The following ACOT1 variants were observed in gnomAD, a reference collection of about 807,000 sequenced individuals.
ACOT1 encodes the protein acyl-coenzyme A thioesterase 1.
ACOT1 carries 8 observed loss-of-function variants against 15.7 expected under a neutral mutation model. The ratio of observed to expected loss-of-function variants is 0.51; its 90% confidence interval spans 0.30 to 0.92. The LOEUF (loss-of-function observed/expected upper bound fraction) is 0.92. ACOT1 is among the 40% of genes least tolerant of loss of function. ACOT1 has a pLI of 0.06. For missense variants in ACOT1, 151 were observed against 539.4 expected, an observed-to-expected ratio of 0.28 and a Z score of 7.13; for synonymous variants, 67 against 241.2, an observed-to-expected ratio of 0.28 and a Z score of 6.69.
the ACOT1 span, among the ~76,000 whole-genome samples, chr14:73,524,306 A>AT: frequency 3.3e-3 from 304 of 90,850 alleles, no homozygotes; most frequent in Middle Eastern, 0.019. Flanking sequence ...AAAAAAAAAA[A>AT]AAAAATATAT....
At chr14:73,515,667 A>G in the ACOT1 span, among the ~76,000 whole-genome samples, 2 of 98,520 alleles carry the variant, frequency 2.0e-5, no homozygotes, top group Admixed American at 1.2e-4. Context: ...GCGAGACTCC[A>G]TCTCAAAAAA....
the ACOT1 span, chr14:73,495,474 G>A: frequency 8.9e-7 from 1 of 1,126,166 alleles, no homozygotes; most frequent in Non-Finnish European, 1.3e-6. Context: ...TAAAGTGATT[G>A]TAGGAGGCTG....
At chr14:73,535,465 CTTTCTTTTTTT>C (rs1888827862), upstream of ACOT1, among the ~76,000 whole-genome samples, 1 of 15,806 alleles carries the variant, frequency 6.3e-5, no homozygotes, top group Non-Finnish European at 2.5e-4. Flanking sequence ...TCTTTTTCTT[CTTTCTTTTTTT>C]TTTTTTTTTT....
chr14:73,496,526 T>C, the ACOT1 span: 1 of 878,570 alleles, frequency 1.1e-6, no homozygotes, highest in Middle Eastern at 2.2e-4. Context: ...ATGTACATGT[T>C]TGAGGAGGAC....
the ACOT1 span, among the ~76,000 whole-genome samples, chr14:73,498,870 T>C: frequency 0.14 from 21,346 of 152,216 alleles, 1,706 homozygotes; most frequent in East Asian, 0.3. Context: ...TAACTTAAGT[T>C]TGACATATAC....
At chr14:73,509,242 G>T in the ACOT1 span, 1 of 1,440,546 alleles carries the variant, frequency 6.9e-7, no homozygotes, top group South Asian at 1.2e-5. Context: ...GGAGAGGAAA[G>T]GACTGGGAAA....
At chr14:73,533,636 G>A (rs1239715220), upstream of ACOT1, among the ~76,000 whole-genome samples, 2 of 114,520 alleles carry the variant, frequency 1.7e-5, no homozygotes, top group African/African-American at 2.8e-5. Context: ...CTGAGACCGC[G>A]CCACTGCACT....
At chr14:73,513,249 A>T in the ACOT1 span, among the ~76,000 whole-genome samples, 1 of 152,218 alleles carries the variant, frequency 6.6e-6, no homozygotes, top group East Asian at 1.9e-4. Flanking sequence ...ACCTGAAGTC[A>T]GGAGTTCGAG....
At chr14:73,495,224 C>G in the ACOT1 span, 13 of 1,612,328 alleles carry the variant, frequency 8.1e-6, no homozygotes, top group East Asian at 2.9e-4. Flanking sequence ...CCTAGGAAAC[C>G]TACCCTGAAA....
upstream of ACOT1, among the ~76,000 whole-genome samples, chr14:73,533,883 A>T (rs1447876024): frequency 5.8e-4 from 3 of 5,174 alleles, 1 homozygote; most frequent in Non-Finnish European, 5.8e-3. Context: ...CCTGTCTCTA[A>T]AAAAAAAAAA....
the ACOT1 span, among the ~76,000 whole-genome samples, chr14:73,493,609 G>A: frequency 2.6e-5 from 4 of 152,022 alleles, no homozygotes; most frequent in Admixed American, 2.0e-4. Flanking sequence ...AGGCCGAGGC[G>A]GGTGGATCAC....
the ACOT1 span, among the ~76,000 whole-genome samples, chr14:73,509,021 C>T: frequency 4.6e-5 from 7 of 151,932 alleles, no homozygotes; most frequent in Non-Finnish European, 1.0e-4. Flanking sequence ...AGCACACCAC[C>T]GCACCTGGCT....
the ACOT1 span, chr14:73,491,918 C>T: frequency 6.2e-7 from 1 of 1,613,330 alleles, no homozygotes; most frequent in Non-Finnish European, 8.5e-7. Context: ...TCTCCTCTGT[C>T]CGCAGGCTTT....
the ACOT1 span, among the ~76,000 whole-genome samples, chr14:73,529,487 G>A: frequency 6.6e-6 from 1 of 152,068 alleles, no homozygotes; most frequent in East Asian, 1.9e-4. Context: ...GGGTTGGAAG[G>A]GTTAGGCTAC....
At chr14:73,511,930 G>A in the ACOT1 span, 2 of 1,576,774 alleles carry the variant, frequency 1.3e-6, no homozygotes, top group South Asian at 2.2e-5. Flanking sequence ...GATAAGCCCT[G>A]GGTCCCTACC....
the ACOT1 span, among the ~76,000 whole-genome samples, chr14:73,526,049 A>G: frequency 4.6e-5 from 7 of 151,884 alleles, no homozygotes; most frequent in Non-Finnish European, 1.0e-4. Flanking sequence ...GGCACTGAAG[A>G]GGGTGGGAAA....
the ACOT1 span, chr14:73,509,162 TG>T: frequency 1.3e-6 from 1 of 759,144 alleles, no homozygotes; most frequent in Non-Finnish European, 2.1e-6. Flanking sequence ...CGACAGTGTC[TG>T]GTCCTAATTT....
the ACOT1 span, among the ~76,000 whole-genome samples, chr14:73,506,187 C>A: frequency 6.6e-6 from 1 of 152,176 alleles, no homozygotes; most frequent in Non-Finnish European, 1.5e-5. Flanking sequence ...CCGCACCCGG[C>A]CTACTATAAA....
At position 73,537,351 on chromosome 14, in the gene ACOT1, A is replaced by C; in HGVS notation, c.-71A>C. Reference sequence around the variant, plus strand: ...AGCCTGCGACGGCAGCCCGAGAGGAAGAGTTGGGCAGAGTTGCAGGGGTCT... The same window carrying C: ...AGCCTGCGACGGCAGCCCGAGAGGACGAGTTGGGCAGAGTTGCAGGGGTCT... On this transcript the variant is annotated 5_prime_UTR_variant, in exon 1 of 3. Coordinates refer to ENST00000311148, the MANE Select transcript of ACOT1 (RefSeq NM_001037161.2). The C allele has an allele frequency of 8.6e-7, 1 of 1,162,554 alleles. No individual in the cohort carries two copies. The highest frequency in any genetic ancestry group is 1.1e-6 in the Non-Finnish European group (1 of 872,540). The allele number at this position is 1,162,554 out of a possible 1,614,324, so 72.0% of individuals were successfully genotyped here.
Sources: allele counts gnomAD v4.1 joint callset (sites outside exome capture counted in the v4.1 genomes callset), GRCh38; gene constraint gnomAD v4.1.1; transcripts MANE v1.5; gene names NCBI Gene and HGNC (gene_info 2026-07-23, HGNC 2026-07-21).